The following GNG7 variants were observed in gnomAD, a reference collection of about 807,000 sequenced individuals.
GNG7 encodes G protein subunit gamma 7, also known as guanine nucleotide-binding protein G(I)/G(S)/G(O) subunit gamma-7.
Under a neutral mutation model 4.0 loss-of-function variants are expected in GNG7, and 1 was observed. That is an observed-to-expected ratio of 0.25 (90% confidence interval 0.09 to 1.18). GNG7 has a LOEUF of 1.18. Among genes scored for constraint, GNG7 ranks in the 50% most tolerant of loss-of-function variants. The pLI, the probability that GNG7 is intolerant of heterozygous loss-of-function variation, is 0.50. For missense variants in GNG7, 86 were observed against 91.9 expected (o/e 0.94, Z 0.26); for synonymous variants, 34 against 36.9 (o/e 0.92, Z 0.29).
At chr19:2,650,741 C>A (rs1982790324) in intron 1 of GNG7, among the ~76,000 whole-genome samples, 2 of 152,206 alleles carry the variant, frequency 1.3e-5, no homozygotes, top group Non-Finnish European at 2.9e-5. Context: ...CCAGGCTGTC[C>A]CCCAGCGACC....
At chr19:2,657,515 T>C (rs1983028697) in intron 1 of GNG7, among the ~76,000 whole-genome samples, 1 of 150,588 alleles carries the variant, frequency 6.6e-6, no homozygotes, top group African/African-American at 2.4e-5. Context: ...TCCTGCTTTA[T>C]AGGACTTTTT....
intron 1 of GNG7, among the ~76,000 whole-genome samples, chr19:2,689,639 A>C (rs1913088389): frequency 1.3e-5 from 2 of 151,204 alleles, no homozygotes; most frequent in Non-Finnish European, 3.0e-5. Flanking sequence ...AAAAAAAAAA[A>C]AAAAAAAAAA....
chr19:2,512,834 T>A lies in GNG7; in HGVS notation c.*2188A>T, dbSNP rs1972674524. ...TGGAGGCAGGCGGGCTCTCCCTGCC[T>A]GGGGTCCTCCCAGGGTCTCTGGAAC... On this transcript the variant is annotated 3_prime_UTR_variant, in exon 5 of 5. Coordinates refer to ENST00000382159, the MANE Select transcript of GNG7 (RefSeq NM_052847.3). This position sits in a 1 kb window ranked among gnomAD's most constrained non-coding sequence, Gnocchi z 4.7. The A allele has an allele frequency of 1.1e-6, 1 of 924,768 alleles. No individual in the cohort carries two copies. Among genetic ancestry groups the A allele is most frequent in the Non-Finnish European group, 1.3e-6 (1 of 774,584 alleles). The allele number at this position is 924,768 out of a possible 1,614,324, so 57.3% of individuals were successfully genotyped here. A position where few individuals can be genotyped will look rare whatever the true frequency, so the allele number is the denominator to read the frequency against.
intron 1 of GNG7, among the ~76,000 whole-genome samples, chr19:2,649,070 G>A (rs1349723256): frequency 6.6e-6 from 1 of 151,520 alleles, no homozygotes; most frequent in African/African-American, 2.4e-5. Flanking sequence ...TCTGGGAAGG[G>A]GGAAGGAATG....
intron 2 of GNG7, among the ~76,000 whole-genome samples, chr19:2,605,975 G>T (rs1024915431): frequency 6.6e-6 from 1 of 152,114 alleles, no homozygotes; most frequent in Non-Finnish European, 1.5e-5. Context: ...ATATCTTTGG[G>T]GGCATTACTC....
intron 1 of GNG7, among the ~76,000 whole-genome samples, chr19:2,670,421 C>T (rs572413600): frequency 6.6e-6 from 1 of 152,342 alleles, no homozygotes; most frequent in East Asian, 1.9e-4. Flanking sequence ...GCGCTCCCAG[C>T]GCCGGTGTCT....
intron 1 of GNG7, among the ~76,000 whole-genome samples, chr19:2,687,031 C>A (rs1356571176): frequency 1.3e-5 from 2 of 150,128 alleles, no homozygotes; most frequent in Admixed American, 6.6e-5. Flanking sequence ...GGATTACAGG[C>A]GTGAGCCACC....
intron 2 of GNG7, chr19:2,632,476 ACACACACAC>A (rs1568268387): frequency 1.1e-4 from 11 of 96,564 alleles, no homozygotes; most frequent in African/African-American, 3.4e-4. Flanking sequence ...AACAAAACTC[ACACACACAC>A]ACACACACAC....
intron 2 of GNG7, among the ~76,000 whole-genome samples, chr19:2,591,459 T>G (rs1038635560): frequency 1.6e-4 from 12 of 73,904 alleles, no homozygotes; most frequent in Admixed American, 4.4e-4. Context: ...AAGGGTTTTT[T>G]TTTTTTTTTT....
chr19:2,526,884 C>G (rs549942762), intron 3 of GNG7, among the ~76,000 whole-genome samples: 5 of 128,494 alleles, frequency 3.9e-5, no homozygotes, highest in African/African-American at 1.4e-4. Flanking sequence ...CTCGCTCTGT[C>G]GCCCAGGCTG....
chr19:2,690,816 A>T (rs1487057374), intron 1 of GNG7, among the ~76,000 whole-genome samples: 1 of 152,146 alleles, frequency 6.6e-6, no homozygotes, highest in African/African-American at 2.4e-5. Context: ...CTGGTCTCGA[A>T]CTTCTGACCT....
At chr19:2,588,913 G>A (rs1023454993) in intron 2 of GNG7, among the ~76,000 whole-genome samples, 4 of 152,144 alleles carry the variant, frequency 2.6e-5, no homozygotes, top group Non-Finnish European at 5.9e-5. Flanking sequence ...TGGCCCTGGT[G>A]CCAGCTGACT....
At position 2,614,366 on chromosome 19, in the gene GNG7, C is replaced by T. The variant is rs781265331; in HGVS notation, c.-78+31858G>A. Among the ~76,000 whole-genome samples the T allele has an allele frequency of 7.1e-4, 108 of 152,190 alleles. No homozygotes were observed. Among genetic ancestry groups the T allele is most frequent in the Non-Finnish European group, 1.3e-3 (91 of 68,030 alleles). On this transcript the variant is annotated intron_variant, in intron 2 of 4. Coordinates refer to ENST00000382159, the MANE Select transcript of GNG7 (RefSeq NM_052847.3). This position sits in a 1 kb window ranked among gnomAD's most constrained non-coding sequence, Gnocchi z 6.0. ...CCCTTTCCAGACATCCAGTGGCATT[C>T]GTGCAGCCATCATCTCTAGCTAGCT...
chr19:2,657,399 T>C (rs11084950), intron 1 of GNG7, among the ~76,000 whole-genome samples: 15,285 of 80,700 alleles, frequency 0.19, 2,802 homozygotes, highest in African/African-American at 0.43. Context: ...TATATATATA[T>C]ACACATAATA....
intron 2 of GNG7, among the ~76,000 whole-genome samples, chr19:2,604,621 C>T (rs1231139522): frequency 1.3e-4 from 13 of 101,926 alleles, no homozygotes; most frequent in African/African-American, 5.1e-4. Flanking sequence ...GCCTGGGCAA[C>T]GGAGCAAGAC....
Position 2,513,439 on chromosome 19 carries a change from G to A in GNG7, c.*1583C>T, listed in dbSNP as rs531910350. ...CTCAGGTGTGGCCGCAGGTGATGCC[G>A]GCAGGCCCTGGAAGATGTGGCTGCA... is the stretch of plus-strand genomic sequence containing the variant. On this transcript the variant is annotated 3_prime_UTR_variant, in exon 5 of 5. Transcript: ENST00000382159. The A allele has an allele frequency of 2.4e-4, 215 of 908,414 alleles. No individual in the cohort carries two copies. The African/African-American group carries it at 3.0e-3, about 13-fold the overall frequency. The allele number at this position is 908,414 out of a possible 1,614,324, so 56.3% of individuals were successfully genotyped here.
chr19:2,602,142 G>T (rs1981216935), intron 2 of GNG7, among the ~76,000 whole-genome samples: 1 of 152,038 alleles, frequency 6.6e-6, no homozygotes, highest in Admixed American at 6.6e-5. Flanking sequence ...TTCGAGACCA[G>T]CCTGGCCAAC....
At chr19:2,566,485 T>C (rs1286548563) in intron 2 of GNG7, among the ~76,000 whole-genome samples, 1 of 152,032 alleles carries the variant, frequency 6.6e-6, no homozygotes, top group Non-Finnish European at 1.5e-5. Flanking sequence ...GAGCACCCCA[T>C]GAAACTCACA....
chr19:2,574,900 G>A (rs1382801062), intron 2 of GNG7, among the ~76,000 whole-genome samples: 2 of 152,114 alleles, frequency 1.3e-5, no homozygotes, highest in East Asian at 1.9e-4. Context: ...GAGCCTCAGC[G>A]TCCTGCCTGT....
Sources: allele counts gnomAD v4.1 joint callset (sites outside exome capture counted in the v4.1 genomes callset), GRCh38; gene constraint gnomAD v4.1.1; non-coding constraint Gnocchi (gnomAD v3.1); transcripts MANE v1.5; gene names NCBI Gene and HGNC (gene_info 2026-07-23, HGNC 2026-07-21).